Variants in TBCD observed in about 807,000 individuals in gnomAD.
TBCD encodes the protein tubulin folding cofactor D.
TBCD carries 105 observed loss-of-function variants against 169.3 expected under a neutral mutation model. The ratio of observed to expected loss-of-function variants is 0.62; its 90% CI spans 0.53 to 0.73. The LOEUF is 0.73. Among genes scored for constraint, TBCD ranks in the 30% least tolerant of loss-of-function variants. The pLI is 0.00. For missense variants in TBCD, 1,444 were observed against 1,600.1 expected (o/e 0.90, Z 1.66); for synonymous variants, 700 against 643.9 (o/e 1.09, Z -1.32).
At chr17:82,858,681 G>A (rs184127152) in intron 13 of TBCD, 30 of 983,494 alleles carry the variant, frequency 3.1e-5, no homozygotes, top group Non-Finnish European at 3.6e-5. Context: ...AGGTTCCTGT[G>A]TTTTCCTTGT....
intron 13 of TBCD, among the ~76,000 whole-genome samples, chr17:82,834,648 A>G (rs567888688): frequency 1.5e-4 from 23 of 151,712 alleles, no homozygotes; most frequent in Non-Finnish European, 2.6e-4. Context: ...GGTCTCACCC[A>G]TAAGTGGGAG....
intron 13 of TBCD, among the ~76,000 whole-genome samples, chr17:82,863,986 C>T (rs2056979863): frequency 6.6e-6 from 1 of 152,192 alleles, no homozygotes; most frequent in Non-Finnish European, 1.5e-5. Flanking sequence ...TTACCACCCT[C>T]AGGACTAAAT....
At chr17:82,941,252 C>A (rs2063212973) in intron 37 of TBCD, 147 bp from the exon 38 acceptor site, 1 of 652,986 alleles carries the variant, frequency 1.5e-6, no homozygotes, top group East Asian at 2.9e-5. Flanking sequence ...CCTGTGACGT[C>A]TTTTCTGCCC....
At chr17:82,909,426 G>C in intron 22 of TBCD, 119 bp downstream of exon 22, 2 of 722,878 alleles carry the variant, frequency 2.8e-6, no homozygotes, top group Non-Finnish European at 4.6e-6. Context: ...TGGGTTGAGC[G>C]GGTGGGTGTC....
intron 20 of TBCD, among the ~76,000 whole-genome samples, chr17:82,906,404 G>T (rs779406474): frequency 1.3e-5 from 2 of 152,234 alleles, no homozygotes; most frequent in Non-Finnish European, 2.9e-5. Context: ...TTCCAAGACG[G>T]CATTGAGCGA....
chr17:82,841,086 G>T (rs1183852170), intron 13 of TBCD, among the ~76,000 whole-genome samples: 1 of 148,342 alleles, frequency 6.7e-6, no homozygotes, highest in Non-Finnish European at 1.5e-5. Flanking sequence ...GGGACTACAG[G>T]CGCCTGCCAC....
chr17:82,901,340 C>T (rs532747384), intron 18 of TBCD, among the ~76,000 whole-genome samples: 36 of 152,314 alleles, frequency 2.4e-4, no homozygotes, highest in African/African-American at 8.2e-4. Flanking sequence ...CCTCGAGGAG[C>T]GGTAGGTGCC....
In TBCD at chr17:82,831,333, G is replaced by C. The variant is rs369627802; in HGVS notation, c.1318+16399G>C. On this transcript the variant is annotated intron_variant, in intron 13 of 38. Coordinates refer to ENST00000355528, the MANE Select transcript of TBCD (RefSeq NM_005993.5). The surrounding 1 kb of genome is among the most constrained non-coding windows in gnomAD (Gnocchi z 4.6). ...CAGGAATTGGACTTTCGAACTCGAC[G>C]TGTTTTCTGTTGGGGTCCGAAGGGT... is the stretch of plus-strand genomic sequence containing the variant. 6.2e-7 allele frequency: 1 copy of C among 1,614,030 alleles called. No homozygotes were observed. The highest frequency in any genetic ancestry group is 2.2e-5 in the East Asian group (1 of 44,874).
intron 8 of TBCD, among the ~76,000 whole-genome samples, chr17:82,800,540 G>A (rs1245339017): frequency 6.6e-6 from 1 of 151,930 alleles, no homozygotes; most frequent in Non-Finnish European, 1.5e-5. Context: ...TGTGGCCGCA[G>A]GATGCCCGTG....
At chr17:82,847,416 CTG>C (rs1378415284) in intron 13 of TBCD, among the ~76,000 whole-genome samples, 2 of 148,448 alleles carry the variant, frequency 1.3e-5, no homozygotes, top group African/African-American at 5.0e-5. Flanking sequence ...GTTTTACTGA[CTG>C]TGTCAGACAA....
At chr17:82,759,022 G>GT (rs899454175) in intron 2 of TBCD, among the ~76,000 whole-genome samples, 6 of 151,312 alleles carry the variant, frequency 4.0e-5, no homozygotes, top group African/African-American at 7.3e-5. Context: ...TTTCGTGTTT[G>GT]TTTTTTTAAA....
At chr17:82,916,886 A>T (rs956915130) in intron 23 of TBCD, among the ~76,000 whole-genome samples, 1 of 152,030 alleles carries the variant, frequency 6.6e-6, no homozygotes, top group African/African-American at 2.4e-5. Flanking sequence ...AACATTGCTC[A>T]CTGGCCTCTC....
chr17:82,836,967 G>GAAGGGA (rs1432492233), intron 13 of TBCD, among the ~76,000 whole-genome samples: 1 of 152,290 alleles, frequency 6.6e-6, no homozygotes, highest in African/African-American at 2.4e-5. Flanking sequence ...TCAATTGCTC[G>GAAGGGA]AAGGGAATTG....
In TBCD at chr17:82,889,796, G is replaced by A; in HGVS notation, c.1563+99G>A. ...ACCCTGGTGTCTTCTCGCACTGTGA[G>A]ATGTGGTGTGGCTACATCAATGCCA... On this transcript the variant is annotated intron_variant, in intron 16 of 38. Coordinates refer to ENST00000355528, the MANE Select transcript of TBCD (RefSeq NM_005993.5). This position sits in a 1 kb window ranked among gnomAD's most constrained non-coding sequence, Gnocchi z 5.3. The A allele has an allele frequency of 7.1e-7, 1 of 1,404,086 alleles. No individual in the cohort carries two copies. The allele number at this position is 1,404,086 out of a possible 1,614,324, so 87.0% of individuals were successfully genotyped here.
At position 82,930,678 on chromosome 17, in the gene TBCD, GTGGTGC is replaced by G. The variant is rs1000769296; in HGVS notation, c.3113+42_3113+47del. The stretch of plus-strand genomic sequence containing the variant: ...GTCTCTTGGGGCCTCAGAGGCGTGA[GTGGTGC>G]TGGTGCCTCTCACCACGTTCCCACA... On this transcript the variant is annotated intron_variant, in intron 33 of 38. Coordinates refer to ENST00000355528, the MANE Select transcript of TBCD (RefSeq NM_005993.5). This position sits in a 1 kb window ranked among gnomAD's most constrained non-coding sequence, Gnocchi z 5.2. 3.1e-6 allele frequency: 5 copies of G among 1,613,364 alleles called. No individual in the cohort carries two copies. The highest frequency in any genetic ancestry group is 4.2e-6 in the Non-Finnish European group (5 of 1,179,640).
intron 17 of TBCD, among the ~76,000 whole-genome samples, chr17:82,898,743 C>T (rs947509062): frequency 6.6e-5 from 10 of 152,038 alleles, no homozygotes; most frequent in African/African-American, 2.2e-4. Flanking sequence ...CTCTGGGTTT[C>T]GAGTCATAAT....
At chr17:82,927,079 G>A in intron 28 of TBCD, 107 bp from the exon 29 acceptor site, 1 of 1,521,586 alleles carries the variant, frequency 6.6e-7, no homozygotes, top group South Asian at 1.3e-5. Context: ...GTCCTGGACT[G>A]TTCTGAGCGT....
intron 6 of TBCD, 70 bp from the exon 7 acceptor site, chr17:82,781,519 G>A: frequency 6.3e-7 from 1 of 1,581,544 alleles, no homozygotes; most frequent in East Asian, 2.3e-5. Context: ...GGGTGTGTGT[G>A]GGGTGGGCTG....
At chr17:82,917,024 C>CTTTTT (rs66678293) in intron 23 of TBCD, among the ~76,000 whole-genome samples, 2 of 130,886 alleles carry the variant, frequency 1.5e-5, no homozygotes, top group African/African-American at 2.9e-5. Context: ...CTTTTCTTTT[C>CTTTTT]TTTTTTTTTT....
Sources: gnomAD v4.1 joint callset for allele counts (sites outside exome capture counted in the v4.1 genomes callset) on GRCh38, gnomAD v4.1.1 for gene constraint, Gnocchi (gnomAD v3.1) non-coding constraint, MANE v1.5 for transcripts, NCBI Gene and HGNC (gene_info 2026-07-23, HGNC 2026-07-21) for gene names.